Variants in ERC2 observed in about 807,000 individuals in gnomAD.
The protein encoded by ERC2 is ELKS/RAB6-interacting/CAST family member 2, also known as ERC protein 2.
A neutral mutation model predicts 114.8 loss-of-function variants in ERC2; 42 were observed. The ratio of observed to expected loss-of-function variants is 0.37; its 90% CI spans 0.29 to 0.47. The LOEUF (loss-of-function observed/expected upper bound fraction) is 0.47, where lower values mean the gene tolerates loss of function less well. ERC2 is among the 20% of genes least tolerant of loss of function. The pLI, the probability that ERC2 is intolerant of heterozygous loss-of-function variation, is 0.99. For synonymous variants in ERC2, 454 were observed against 425.5 expected (o/e 1.07, Z -0.82); for missense variants, 939 against 1,150.7 (o/e 0.82, Z 2.66).
At chr3:55,968,524 G>C (rs886400299) in intron 12 of ERC2, among the ~76,000 whole-genome samples, 1 of 152,158 alleles carries the variant, frequency 6.6e-6, no homozygotes, top group Non-Finnish European at 1.5e-5. Flanking sequence ...TCTCAGACCT[G>C]TGCAGTTTGC....
intron 14 of ERC2, among the ~76,000 whole-genome samples, chr3:55,781,181 G>A (rs2069010681): frequency 6.6e-6 from 1 of 152,190 alleles, no homozygotes; most frequent in African/African-American, 2.4e-5. Context: ...GGCAGCCACA[G>A]CACAATGCAG....
At chr3:55,699,941 C>A (rs760040463) in intron 15 of ERC2, among the ~76,000 whole-genome samples, 13 of 152,256 alleles carry the variant, frequency 8.5e-5, no homozygotes, top group Admixed American at 3.3e-4. Flanking sequence ...AAACACAGAA[C>A]TACAGATAAA....
intron 3 of ERC2, among the ~76,000 whole-genome samples, chr3:56,207,528 C>T (rs2048813736): frequency 6.6e-6 from 1 of 151,992 alleles, no homozygotes; most frequent in Non-Finnish European, 1.5e-5. Flanking sequence ...TTAACTATTC[C>T]TCAAAAACAT....
At chr3:56,038,979 G>A (rs2074975147) in intron 7 of ERC2, among the ~76,000 whole-genome samples, 2 of 152,134 alleles carry the variant, frequency 1.3e-5, no homozygotes, top group African/African-American at 4.8e-5. Context: ...GCTAATGTGT[G>A]CTGGGCTTTA....
intron 15 of ERC2, among the ~76,000 whole-genome samples, chr3:55,729,999 G>C (rs537005523): frequency 6.6e-6 from 1 of 152,006 alleles, no homozygotes; most frequent in African/African-American, 2.4e-5. Context: ...CATAGCACTT[G>C]GTCTCACCAA....
intron 7 of ERC2, among the ~76,000 whole-genome samples, chr3:56,057,044 T>C (rs1034284400): frequency 6.6e-6 from 1 of 152,146 alleles, no homozygotes; most frequent in Non-Finnish European, 1.5e-5. Flanking sequence ...ACCTCAGGTC[T>C]TTTCTTCCTC....
chr3:56,209,660 A>T (rs1230203541), intron 3 of ERC2, among the ~76,000 whole-genome samples: 1 of 152,168 alleles, frequency 6.6e-6, no homozygotes, highest in South Asian at 2.1e-4. Flanking sequence ...AAGTCCTCTC[A>T]CAGGTAGGTA....
chr3:56,155,494 C>T (rs995839765), intron 4 of ERC2, among the ~76,000 whole-genome samples: 2 of 151,930 alleles, frequency 1.3e-5, no homozygotes, highest in African/African-American at 4.8e-5. Context: ...TACATTTGAA[C>T]CATCCACTCT....
chr3:56,303,008 G>A (rs1426061116), intron 2 of ERC2, among the ~76,000 whole-genome samples: 1 of 152,232 alleles, frequency 6.6e-6, no homozygotes, highest in African/African-American at 2.4e-5. Flanking sequence ...TGCAAAGTGA[G>A]TCTGTGGTTG....
chr3:55,985,230 C>A (rs1309646234), intron 12 of ERC2, among the ~76,000 whole-genome samples: 1 of 152,156 alleles, frequency 6.6e-6, no homozygotes, highest in Non-Finnish European at 1.5e-5. Flanking sequence ...GGGCTTGGGC[C>A]TCCTACATTG....
intron 2 of ERC2, among the ~76,000 whole-genome samples, chr3:56,363,928 A>G (rs1409588820): frequency 6.6e-6 from 1 of 152,064 alleles, no homozygotes; most frequent in Non-Finnish European, 1.5e-5. Context: ...GAAGGGAAGG[A>G]AAGCAAGGGA....
intron 7 of ERC2, among the ~76,000 whole-genome samples, chr3:56,054,819 G>A (rs986482809): frequency 1.3e-5 from 2 of 152,172 alleles, no homozygotes; most frequent in Non-Finnish European, 2.9e-5. Context: ...AACTGTTGCA[G>A]TAACAATCAA....
chr3:55,883,602 T>C (rs773320297), intron 14 of ERC2, among the ~76,000 whole-genome samples: 5 of 151,780 alleles, frequency 3.3e-5, no homozygotes, highest in South Asian at 2.1e-4. Context: ...ATTGGAATAA[T>C]GTTAAGGCCG....
intron 4 of ERC2, among the ~76,000 whole-genome samples, chr3:56,171,668 T>A (rs749358258): frequency 1.0e-3 from 155 of 152,182 alleles, no homozygotes; most frequent in Non-Finnish European, 1.8e-3. Context: ...TAAATTTTTT[T>A]ATAATAAAAC....
At chr3:55,996,158 T>A (rs2071493838) in intron 10 of ERC2, among the ~76,000 whole-genome samples, 1 of 152,206 alleles carries the variant, frequency 6.6e-6, no homozygotes, top group Non-Finnish European at 1.5e-5. Context: ...TATTTTTCCT[T>A]AAGAATATGT....
At chr3:55,969,586 A>C (rs1431964844) in intron 12 of ERC2, among the ~76,000 whole-genome samples, 2 of 152,228 alleles carry the variant, frequency 1.3e-5, no homozygotes, top group Non-Finnish European at 2.9e-5. Flanking sequence ...GTTGACCTGC[A>C]GTAAGCCAGC....
chr3:56,035,289 T>A (rs2074717832), intron 7 of ERC2, among the ~76,000 whole-genome samples: 1 of 151,858 alleles, frequency 6.6e-6, no homozygotes, highest in Non-Finnish European at 1.5e-5. Flanking sequence ...AAATAGAAAA[T>A]CTAAACAGAC....
At chr3:56,141,311 G>A (rs902061205) in intron 5 of ERC2, among the ~76,000 whole-genome samples, 8 of 152,114 alleles carry the variant, frequency 5.3e-5, no homozygotes, top group Admixed American at 5.2e-4. Flanking sequence ...ACTTCCTTCT[G>A]CCAACAAATG....
At chr3:55,830,367 A>C (rs1206160184) in intron 14 of ERC2, among the ~76,000 whole-genome samples, 1 of 152,232 alleles carries the variant, frequency 6.6e-6, no homozygotes, top group East Asian at 1.9e-4. Context: ...GAAATTCAGA[A>C]ACGAAGGACA....
Sources: gnomAD v4.1 joint callset for allele counts (sites outside exome capture counted in the v4.1 genomes callset) on GRCh38, gnomAD v4.1.1 for gene constraint, MANE v1.5 for transcripts, NCBI Gene and HGNC (gene_info 2026-07-23, HGNC 2026-07-21) for gene names.